The following PLAC9 variants were observed in gnomAD, a reference collection of about 807,000 sequenced individuals.
The protein encoded by PLAC9 is placenta associated 9, also known as placenta-specific protein 9.
PLAC9 carries 12 observed loss-of-function variants against 11.5 expected under a neutral mutation model. The observed-to-expected ratio is 1.05, with a 90% confidence interval of 0.67 to 1.69. PLAC9 has a LOEUF of 1.69. PLAC9 is among the 40% of genes most tolerant of loss of function. PLAC9 has a pLI of 0.00. For missense variants in PLAC9, 132 were observed against 130.5 expected (o/e 1.01, Z -0.06); for synonymous variants, 62 against 58.1 (o/e 1.07, Z -0.31).
intron 3 of PLAC9, 25 bp from the exon 4 acceptor site, chr10:80,144,875 A>T: frequency 6.4e-7 from 1 of 1,565,930 alleles, no homozygotes; most frequent in Non-Finnish European, 8.6e-7. Flanking sequence ...CAGCTTGCTC[A>T]CTGGGGGCCT....
chr10:80,135,782 A>G (rs1047118902), intron 1 of PLAC9, among the ~76,000 whole-genome samples: 36 of 152,164 alleles, frequency 2.4e-4, no homozygotes, highest in African/African-American at 8.4e-4. Context: ...TTCAAAAATG[A>G]TCAAAACCCG....
chr10:80,144,369 A>G (rs763154095), intron 3 of PLAC9, 26 bp downstream of exon 3: 3 of 1,567,682 alleles, frequency 1.9e-6, no homozygotes, highest in Non-Finnish European at 2.6e-6. Context: ...GGCAGAGGAC[A>G]GCCTCTGGGC....
Position 80,145,005 on chromosome 10 carries a change from C to A in PLAC9, c.*95C>A. 1 of 1,446,450 alleles carries A rather than the reference C, an allele frequency of 6.9e-7. No homozygotes were observed. Among genetic ancestry groups the A allele is most frequent in the Non-Finnish European group, 9.5e-7 (1 of 1,051,312 alleles). 89.6% of individuals were successfully genotyped at this position (1,446,450 alleles called of 1,614,324 possible). On this transcript the variant is annotated 3_prime_UTR_variant, in exon 4 of 4. Transcript: ENST00000372263. Reference sequence around the variant, plus strand: ...TCCTCTCGACTTCCTTCCTTAGCTTCATGTGAAATAAAAGCTATTCTGGTC... The same window carrying A: ...TCCTCTCGACTTCCTTCCTTAGCTTAATGTGAAATAAAAGCTATTCTGGTC...
chr10:80,143,238 T>C (rs868714378), intron 2 of PLAC9, among the ~76,000 whole-genome samples: 1 of 149,738 alleles, frequency 6.7e-6, no homozygotes, highest in Non-Finnish European at 1.5e-5. Flanking sequence ...GCTAATTTTT[T>C]GTACCTCTGG....
intron 1 of PLAC9, among the ~76,000 whole-genome samples, chr10:80,134,448 G>C (rs1396657705): frequency 1.3e-5 from 2 of 152,000 alleles, no homozygotes; most frequent in Admixed American, 6.6e-5. Flanking sequence ...ATTTTTAGTA[G>C]AGATAGGGTT....
intron 3 of PLAC9, 135 bp downstream of exon 3, chr10:80,144,478 G>C: frequency 1.6e-6 from 2 of 1,278,950 alleles, no homozygotes; most frequent in Non-Finnish European, 2.1e-6. Context: ...CCCTGGGGAC[G>C]GAAGCGGGAC....
At chr10:80,138,011 GC>G (rs1488710236) in intron 1 of PLAC9, among the ~76,000 whole-genome samples, 1 of 152,088 alleles carries the variant, frequency 6.6e-6, no homozygotes, top group East Asian at 1.9e-4. Flanking sequence ...CCAGGATGGA[GC>G]ATAGCCCCCA....
At chr10:80,138,712 T>C (rs1239758019) in intron 1 of PLAC9, among the ~76,000 whole-genome samples, 1 of 152,130 alleles carries the variant, frequency 6.6e-6, no homozygotes, top group Non-Finnish European at 1.5e-5. Flanking sequence ...CTCTCAGAGT[T>C]ACACATCCAT....
At chr10:80,134,270 T>A (rs1171814765) in intron 1 of PLAC9, among the ~76,000 whole-genome samples, 5 of 150,630 alleles carry the variant, frequency 3.3e-5, no homozygotes, top group Admixed American at 6.6e-5. Flanking sequence ...TCTTTCTTTT[T>A]TTTTTTTTTT....
chr10:80,135,754 G>T (rs553410212), intron 1 of PLAC9, among the ~76,000 whole-genome samples: 3 of 152,236 alleles, frequency 2.0e-5, no homozygotes, highest in African/African-American at 7.2e-5. Context: ...ATCACTTGAA[G>T]AATAGTTTTC....
At position 80,144,910 on chromosome 10, in the gene PLAC9, AG is replaced by A. The variant is rs1564591697; in HGVS notation, c.*1del. The A allele has an allele frequency of 6.3e-7, 1 of 1,575,764 alleles. No individual in the cohort carries two copies. The highest frequency in any genetic ancestry group is 1.2e-5 in the South Asian group (1 of 85,894). The stretch of plus-strand genomic sequence containing the variant: ...TCTGCTTTCTTTCAGATGGCTTCTG[AG>A]CCCTGGAGCTGGAGCCCAGCAGTTG... On this transcript the variant is annotated 3_prime_UTR_variant, in exon 4 of 4. Transcript: ENST00000372263.
intron 1 of PLAC9, among the ~76,000 whole-genome samples, chr10:80,138,026 G>A (rs1029074940): frequency 6.6e-6 from 1 of 152,112 alleles, no homozygotes; most frequent in East Asian, 1.9e-4. Context: ...GCCCCCAGGG[G>A]CCTCTCTCTC....
At chr10:80,144,110 A>C in intron 2 of PLAC9, 113 bp from the exon 3 acceptor site, 1 of 1,475,270 alleles carries the variant, frequency 6.8e-7, no homozygotes. Flanking sequence ...CTTAGCGCCC[A>C]GTCCTTTCCC....
intron 1 of PLAC9, among the ~76,000 whole-genome samples, chr10:80,138,894 C>T (rs1319122685): frequency 6.6e-6 from 1 of 151,902 alleles, no homozygotes; most frequent in Non-Finnish European, 1.5e-5. Context: ...TGGCCACAGC[C>T]TTAATATTGT....
chr10:80,134,725 T>C (rs1223320640), intron 1 of PLAC9, among the ~76,000 whole-genome samples: 2 of 152,242 alleles, frequency 1.3e-5, no homozygotes, highest in South Asian at 2.1e-4. Flanking sequence ...TGATTGATTG[T>C]GTCATATCTT....
intron 1 of PLAC9, among the ~76,000 whole-genome samples, chr10:80,133,778 A>G (rs1336883264): frequency 2.6e-5 from 4 of 152,144 alleles, no homozygotes; most frequent in African/African-American, 9.7e-5. Context: ...TGCTGTCTCT[A>G]TTAAAAATAC....
intron 1 of PLAC9, among the ~76,000 whole-genome samples, chr10:80,134,771 A>G (rs1037143375): frequency 6.6e-6 from 1 of 152,178 alleles, no homozygotes; most frequent in Non-Finnish European, 1.5e-5. Flanking sequence ...ATAAGGTTAC[A>G]TACACTGCAT....
chr10:80,132,874 C>T (rs1370045535), intron 1 of PLAC9, 48 bp downstream of exon 1: 4 of 1,416,930 alleles, frequency 2.8e-6, no homozygotes, highest in Admixed American at 2.7e-5. Flanking sequence ...CGGGGAGACC[C>T]GCAGATGGCG....
At chr10:80,132,337 T>C (rs999742821), upstream of PLAC9, among the ~76,000 whole-genome samples, 2 of 152,200 alleles carry the variant, frequency 1.3e-5, no homozygotes, top group African/African-American at 4.8e-5. Context: ...TCCTGTGCTA[T>C]GGCTGAGAGT....
Sources: allele counts gnomAD v4.1 joint callset (sites outside exome capture counted in the v4.1 genomes callset), GRCh38; gene constraint gnomAD v4.1.1; transcripts MANE v1.5; gene names NCBI Gene and HGNC (gene_info 2026-07-23, HGNC 2026-07-21).